MTR: variants seen among roughly 807,000 people sequenced by gnomAD.
MTR encodes the protein methionine synthase.
MTR carries 84 observed loss-of-function variants against 154.8 expected under a neutral mutation model. The observed-to-expected ratio is 0.54, with a 90% CI of 0.45 to 0.65. The LOEUF is 0.65. MTR is among the 30% of genes least tolerant of loss of function. The pLI is 0.00. For synonymous variants in MTR, 554 were observed against 553.9 expected (o/e 1.00, Z 0.00); for missense variants, 1,275 against 1,570.2 (o/e 0.81, Z 3.18).
rs1663030750 is a variant in MTR at position 236,838,426 on chromosome 1, A to C, written c.1342A>C (p.Ile448Leu). 2 of 1,614,158 alleles carry C rather than the reference A, an allele frequency of 1.2e-6. No individual in the cohort carries two copies. Among genetic ancestry groups the C allele is most frequent in the East Asian group, 4.5e-5 (2 of 44,874 alleles). Reference sequence around the variant, plus strand: ...TTTCTGATCTCAGGTACCTTTGTGCATCGACTCCTCCAATTTTGCTGTGAT... The same window carrying C: ...TTTCTGATCTCAGGTACCTTTGTGCCTCGACTCCTCCAATTTTGCTGTGAT... Reference protein sequence around the residue: ...EPDIAKVPLCIDSSNFAVIEA... With the variant: ...EPDIAKVPLCLDSSNFAVIEA... The change falls in exon 15 of 33, where the codon ATC becomes CTC. Residue 448 changes from isoleucine to leucine, a missense_variant. Coordinates refer to ENST00000366577, the MANE Select transcript of MTR (RefSeq NM_000254.3).
In MTR at chr1:236,879,931, A is replaced by G. The variant is rs768703697; in HGVS notation, c.2595-824A>G. Among the ~76,000 whole-genome samples the G allele has an allele frequency of 3.3e-5, 5 of 152,016 alleles. No individual in the cohort carries two copies. In the South Asian group the frequency reaches 1.0e-3, roughly 32 times the overall value. On this transcript the variant is annotated intron_variant, in intron 24 of 32. Transcript: ENST00000366577. ...CACTTTGGGAAGCCGAGGCAGGTGGATCACTAGGTCAGGAGATCGAGACCA... is the reference window on the plus strand; with the variant it reads ...CACTTTGGGAAGCCGAGGCAGGTGGGTCACTAGGTCAGGAGATCGAGACCA...
intron 29 of MTR, among the ~76,000 whole-genome samples, chr1:236,892,997 G>C (rs1485232917): frequency 6.6e-6 from 1 of 152,144 alleles, no homozygotes; most frequent in Admixed American, 6.5e-5. Flanking sequence ...AATTTCTCAG[G>C]AGGGGCTTTC....
In MTR at chr1:236,891,269, A is replaced by T. The variant is rs2229276; in HGVS notation, c.3144A>T (p.Ala1048=). Residue 1048 remains alanine, a synonymous_variant, in exon 29 of 33, where the codon GCA becomes GCT. Transcript: ENST00000366577. The part of the protein sequence containing the change: ...QSIQDDIHLY[A]EAAVPQAAEP... ...TCCAAGACGACATTCACCTGTACGCAGAGGCTGCTGTGCCCCAGGCTGCAG... is the reference window on the plus strand; with the variant it reads ...TCCAAGACGACATTCACCTGTACGCTGAGGCTGCTGTGCCCCAGGCTGCAG... The T allele has an allele frequency of 2.5e-6, 4 of 1,613,924 alleles. No individual in the cohort carries two copies. The highest frequency in any genetic ancestry group is 3.4e-6 in the Non-Finnish European group (4 of 1,179,964).
At chr1:236,838,630 T>G (rs1214591269) in intron 15 of MTR, 31 bp downstream of exon 15, 6 of 1,612,860 alleles carry the variant, frequency 3.7e-6, no homozygotes, top group Non-Finnish European at 5.1e-6. Context: ...TAATCCATTG[T>G]GTTTCCCAGG....
chr1:236,864,113 CAA>C (rs1205462495), intron 22 of MTR, among the ~76,000 whole-genome samples: 1 of 152,116 alleles, frequency 6.6e-6, no homozygotes, highest in Non-Finnish European at 1.5e-5. Context: ...ATATTCATAA[CAA>C]AATCATTTGC....
rs1666944036 is a variant in MTR, at chr1:236,902,142, GC to G, written c.*4502del. ...TCCCCGTGACCTAGGATATATCCCA[GC>G]CCCTTAGAGGCATGCAAAGCCTTCC... On this transcript the variant is annotated 3_prime_UTR_variant, in exon 33 of 33. Transcript: ENST00000366577. 6.6e-6 allele frequency: 1 copy of G among 152,188 alleles called. No homozygotes were observed. Among genetic ancestry groups the G allele is most frequent in the South Asian group, 2.1e-4 (1 of 4,826 alleles). The allele number at this position is 152,188 out of a possible 1,614,324, so 9.4% of individuals were successfully genotyped here.
At position 236,832,098 on chromosome 1, in the gene MTR, C is replaced by A; in HGVS notation, c.1188+20C>A. ...TATGAAGTGAGCATCTTAATAAGAC[C>A]CCTGAGGCATCTGCCCATGTCTTTG... On this transcript the variant is annotated intron_variant, in intron 13 of 32. Coordinates refer to ENST00000366577, the MANE Select transcript of MTR (RefSeq NM_000254.3). 1 of 1,569,628 alleles carries A rather than the reference C, an allele frequency of 6.4e-7. No individual in the cohort carries two copies. Among genetic ancestry groups the A allele is most frequent in the Non-Finnish European group, 8.8e-7 (1 of 1,139,566 alleles).
intron 25 of MTR, among the ~76,000 whole-genome samples, chr1:236,882,301 C>T (rs1324922887): frequency 6.6e-6 from 1 of 152,066 alleles, no homozygotes; most frequent in African/African-American, 2.4e-5. Flanking sequence ...CTTTTGGATC[C>T]ATTTAGTTGC....
At chr1:236,813,023 C>G (rs1244989646) in intron 6 of MTR, among the ~76,000 whole-genome samples, 179 bp downstream of exon 6, 3 of 152,084 alleles carry the variant, frequency 2.0e-5, no homozygotes, top group Non-Finnish European at 4.4e-5. Flanking sequence ...TTTAAACCTG[C>G]TTTTGAAGCT....
intron 13 of MTR, among the ~76,000 whole-genome samples, chr1:236,833,033 T>G (rs1286987102): frequency 6.6e-6 from 1 of 152,196 alleles, no homozygotes; most frequent in East Asian, 1.9e-4. Flanking sequence ...TGACTTTTTT[T>G]TGTGTATGGG....
At chr1:236,824,062 T>C (rs1662141399) in intron 8 of MTR, 57 bp from the exon 9 acceptor site, 3 of 1,364,090 alleles carry the variant, frequency 2.2e-6, no homozygotes, top group Non-Finnish European at 3.1e-6. Flanking sequence ...ATATAACTTA[T>C]ATGCATAAAT....
chr1:236,870,760 T>G (rs1371354415), intron 22 of MTR, among the ~76,000 whole-genome samples: 2 of 152,190 alleles, frequency 1.3e-5, no homozygotes, highest in East Asian at 3.9e-4. Context: ...ATCTCAAATT[T>G]AATATTTTGA....
intron 32 of MTR, 79 bp downstream of exon 32, chr1:236,897,197 G>A (rs1666672310): frequency 2.7e-6 from 3 of 1,112,194 alleles, no homozygotes; most frequent in African/African-American, 1.5e-5. Context: ...AAATGTGAAT[G>A]AGAATAAAGT....
At chr1:236,799,577 T>A (rs1660592511) in intron 1 of MTR, among the ~76,000 whole-genome samples, 1 of 152,196 alleles carries the variant, frequency 6.6e-6, no homozygotes, top group Non-Finnish European at 1.5e-5. Context: ...ATCCATATAT[T>A]TATACATTTT....
intron 25 of MTR, among the ~76,000 whole-genome samples, chr1:236,881,875 C>T (rs1665755462): frequency 6.6e-6 from 1 of 152,002 alleles, no homozygotes; most frequent in African/African-American, 2.4e-5. Flanking sequence ...ATTTTTTGGT[C>T]CCCATTTTAG....
intron 15 of MTR, among the ~76,000 whole-genome samples, chr1:236,838,896 G>A (rs904130211): frequency 1.3e-5 from 2 of 152,080 alleles, no homozygotes; most frequent in Non-Finnish European, 2.9e-5. Context: ...TAGGCTAGAT[G>A]GTATATATAG....
At position 236,853,019 on chromosome 1, in the gene MTR, G is replaced by A; in HGVS notation, c.1884G>A (p.Leu628=). Residue 628 remains leucine (L), a synonymous_variant, in exon 18 of 33, where the codon CTG becomes CTA. Coordinates refer to ENST00000366577, the MANE Select transcript of MTR (RefSeq NM_000254.3). ...PVYDDIHKEL[L]QLCEDLIWNK... ...ATGATGATATCCATAAGGAACTTCT[G>A]CAGCTCTGTGAAGATCTCATCTGGA... is the stretch of plus-strand genomic sequence containing the variant. 6.2e-7 allele frequency: 1 copy of A among 1,613,998 alleles called. No homozygotes were observed. Among genetic ancestry groups the A allele is most frequent in the Non-Finnish European group, 8.5e-7 (1 of 1,179,926 alleles).
rs139468432 is a variant in MTR, at chr1:236,842,137, C to T, written c.1515+3538C>T. Among the ~76,000 whole-genome samples, 640 of 152,270 alleles carry T rather than the reference C, an allele frequency of 4.2e-3. 4 individuals carry two copies. The highest frequency in any genetic ancestry group is 0.015 in the African/African-American group (618 of 41,562). ...CGATCTCCTGACCTCGTGATCCGCCCGCCTCGGCTTCCCAAAGTGCTGGGA... is the reference window on the plus strand; with the variant it reads ...CGATCTCCTGACCTCGTGATCCGCCTGCCTCGGCTTCCCAAAGTGCTGGGA... On this transcript the variant is annotated intron_variant, in intron 15 of 32. Coordinates refer to ENST00000366577, the MANE Select transcript of MTR (RefSeq NM_000254.3).
At chr1:236,852,808 G>A in intron 17 of MTR, 140 bp from the exon 18 acceptor site, 1 of 1,128,444 alleles carries the variant, frequency 8.9e-7, no homozygotes, top group Non-Finnish European at 1.3e-6. Flanking sequence ...CTGCTTTTAT[G>A]CTGTAACTAC....
Sources: allele counts gnomAD v4.1 joint callset (sites outside exome capture counted in the v4.1 genomes callset), GRCh38; gene constraint gnomAD v4.1.1; transcripts MANE v1.5; gene names NCBI Gene and HGNC (gene_info 2026-07-23, HGNC 2026-07-21).